Variants in SCN8A observed in about 807,000 individuals in gnomAD.
SCN8A encodes sodium channel protein type 8 subunit alpha.
Under a neutral mutation model 184.1 loss-of-function variants are expected in SCN8A, and 30 were observed. The observed-to-expected ratio is 0.16, with a 90% CI of 0.12 to 0.22. SCN8A has a LOEUF of 0.22. Ranked by LOEUF, SCN8A falls within the 10% of genes least tolerant of loss-of-function variation. The probability of loss-of-function intolerance (pLI) is 1.00; values close to 1 mark genes in which losing one functional copy is unlikely to be tolerated. For synonymous variants in SCN8A, 852 were observed against 907.0 expected, an observed-to-expected ratio of 0.94 and a Z score of 1.09; for missense variants, 1,057 against 2,498.9, an observed-to-expected ratio of 0.42 and a Z score of 12.30.
At chr12:51,723,695 G>A (rs548691701) in intron 12 of SCN8A, among the ~76,000 whole-genome samples, 160 of 152,214 alleles carry the variant, frequency 1.1e-3, no homozygotes, top group African/African-American at 3.7e-3. Context: ...GGCCAACATG[G>A]TTTGAAACCC....
intron 9 of SCN8A, among the ~76,000 whole-genome samples, chr12:51,703,905 CT>C (rs536843133): frequency 3.5e-4 from 52 of 146,892 alleles, no homozygotes; most frequent in African/African-American, 6.7e-4. Flanking sequence ...GATGCTGTTT[CT>C]TTTTTTTTTT....
intron 1 of SCN8A, 23 bp from the exon 2 acceptor site, chr12:51,662,741 G>A (rs775651544): frequency 3.9e-5 from 55 of 1,426,688 alleles, no homozygotes; most frequent in Non-Finnish European, 5.1e-5. Flanking sequence ...GATTAATGCT[G>A]TCTGTGTTGC....
chr12:51,773,876 G>C (rs913960484), intron 19 of SCN8A, among the ~76,000 whole-genome samples: 7 of 152,154 alleles, frequency 4.6e-5, no homozygotes, highest in Non-Finnish European at 8.8e-5. Flanking sequence ...TGGGGGTTTA[G>C]GGGGTGATAG....
At chr12:51,646,205 G>T (rs1469281185) in intron 1 of SCN8A, among the ~76,000 whole-genome samples, 1 of 152,032 alleles carries the variant, frequency 6.6e-6, no homozygotes, top group African/African-American at 2.4e-5. Flanking sequence ...GAAAAGGAAT[G>T]AAACTGGAGG....
chr12:51,604,999 A>G (rs985003079), intron 1 of SCN8A, among the ~76,000 whole-genome samples: 2 of 152,010 alleles, frequency 1.3e-5, no homozygotes, highest in Non-Finnish European at 2.9e-5. Context: ...CCTCCTCCTA[A>G]CGTCCACCCT....
chr12:51,611,783 C>T (rs987453365), intron 1 of SCN8A, among the ~76,000 whole-genome samples: 1 of 152,218 alleles, frequency 6.6e-6, no homozygotes, highest in African/African-American at 2.4e-5. Flanking sequence ...ACGTGAGCCA[C>T]TGCACCCGGC....
At chr12:51,607,814 T>C (rs1939628561) in intron 1 of SCN8A, among the ~76,000 whole-genome samples, 1 of 152,168 alleles carries the variant, frequency 6.6e-6, no homozygotes, top group Admixed American at 6.5e-5. Context: ...TGGTATGTTG[T>C]TGGATTTGGT....
intron 2 of SCN8A, among the ~76,000 whole-genome samples, chr12:51,680,066 CTAAT>C (rs1294852424): frequency 1.3e-5 from 2 of 152,048 alleles, no homozygotes; most frequent in African/African-American, 4.8e-5. Flanking sequence ...ATCTGTAAAT[CTAAT>C]TATTTCAATA....
chr12:51,697,701 T>G (rs1941617975), intron 6 of SCN8A, among the ~76,000 whole-genome samples: 1 of 152,364 alleles, frequency 6.6e-6, no homozygotes, highest in East Asian at 1.9e-4. Context: ...ATTATCTATT[T>G]AAACCTAACA....
chr12:51,623,546 T>C (rs1237445889), intron 1 of SCN8A, among the ~76,000 whole-genome samples: 1 of 152,234 alleles, frequency 6.6e-6, no homozygotes, highest in Non-Finnish European at 1.5e-5. Flanking sequence ...ATTTACCAAT[T>C]AGAGTTCCAT....
At chr12:51,638,806 C>G (rs1156925594) in intron 1 of SCN8A, among the ~76,000 whole-genome samples, 1 of 151,856 alleles carries the variant, frequency 6.6e-6, no homozygotes, top group Non-Finnish European at 1.5e-5. Flanking sequence ...TTCTAACCCT[C>G]ATGAATGACT....
At chr12:51,637,724 A>G (rs1007344459) in intron 1 of SCN8A, among the ~76,000 whole-genome samples, 8 of 152,252 alleles carry the variant, frequency 5.3e-5, no homozygotes, top group Non-Finnish European at 8.8e-5. Flanking sequence ...ACATGACAGT[A>G]TAAGATGAAG....
chr12:51,750,720 C>G (rs1055089759), intron 13 of SCN8A, among the ~76,000 whole-genome samples: 1 of 152,170 alleles, frequency 6.6e-6, no homozygotes, highest in African/African-American at 2.4e-5. Context: ...TATTTTAGCT[C>G]TTTAATTCTC....
rs559210550 is a variant in SCN8A at position 51,671,217 on chromosome 12, G to A, written c.276+8124G>A. Among the ~76,000 whole-genome samples, 27 of 152,302 alleles carry A rather than the reference G, an allele frequency of 1.8e-4. No individual in the cohort carries two copies. In the South Asian group the frequency reaches 2.1e-3, roughly 12 times the overall value. On this transcript the variant is annotated intron_variant, in intron 2 of 26. Coordinates refer to ENST00000627620, the MANE Select transcript of SCN8A (RefSeq NM_001330260.2). ...CCCCTCTTGGATTTTTACACAGACAGAAATAAAATATACTTGAGCATCAGT... is the reference window on the plus strand; with the variant it reads ...CCCCTCTTGGATTTTTACACAGACAAAAATAAAATATACTTGAGCATCAGT...
At position 51,806,001 on chromosome 12, in the gene SCN8A, T is replaced by A. The variant is rs531453469; in HGVS notation, c.4796-281T>A. ...GCACCACCATGCCCAGCTAATTTTT[T>A]ATTTTCAGTAGAGACAGGGTTTCAC... On this transcript the variant is annotated intron_variant, in intron 26 of 26. Transcript: ENST00000627620. The surrounding 1 kb of genome is among the most constrained non-coding windows in gnomAD (Gnocchi z 8.7). 3.9e-5 allele frequency among the ~76,000 whole-genome samples: 6 copies of A among 152,202 alleles called. No individual in the cohort carries two copies. The South Asian group carries it at 1.2e-3, about 32-fold the overall frequency.
intron 20 of SCN8A, among the ~76,000 whole-genome samples, chr12:51,775,457 G>A (rs1485311195): frequency 1.3e-5 from 2 of 152,134 alleles, no homozygotes; most frequent in East Asian, 3.9e-4. Flanking sequence ...CTGTCACTGT[G>A]CCCTCAGTTG....
chr12:51,624,073 T>C (rs544559829), intron 1 of SCN8A, among the ~76,000 whole-genome samples: 5 of 152,010 alleles, frequency 3.3e-5, no homozygotes, highest in South Asian at 2.1e-4. Context: ...AATAAACATA[T>C]GTGTGCATGT....
At chr12:51,623,765 T>TC (rs941580982) in intron 1 of SCN8A, among the ~76,000 whole-genome samples, 7 of 152,012 alleles carry the variant, frequency 4.6e-5, no homozygotes, top group African/African-American at 1.7e-4. Context: ...CCCTTCCTCC[T>TC]CCCCCCACCC....
At chr12:51,599,649 A>T (rs888291869) in intron 1 of SCN8A, among the ~76,000 whole-genome samples, 1 of 152,170 alleles carries the variant, frequency 6.6e-6, no homozygotes, top group African/African-American at 2.4e-5. Context: ...GTGTTTTAGG[A>T]ATATTGGGCA....
Sources: gnomAD v4.1 joint callset for allele counts (sites outside exome capture counted in the v4.1 genomes callset) on GRCh38, gnomAD v4.1.1 for gene constraint, Gnocchi (gnomAD v3.1) non-coding constraint, MANE v1.5 for transcripts, NCBI Gene and HGNC (gene_info 2026-07-23, HGNC 2026-07-21) for gene names.